The following CRPPA variants were observed in gnomAD, a reference collection of about 807,000 sequenced individuals.
The protein encoded by CRPPA is CDP-L-ribitol pyrophosphorylase A, also known as D-ribitol-5-phosphate cytidylyltransferase.
A neutral mutation model predicts 52.0 loss-of-function variants in CRPPA; 43 were observed. The ratio of observed to expected loss-of-function variants is 0.83; its 90% confidence interval spans 0.65 to 1.07. CRPPA has a LOEUF of 1.07. Ranked by LOEUF, CRPPA falls within the 50% of genes least tolerant of loss-of-function variation. The pLI, the probability that CRPPA is intolerant of heterozygous loss-of-function variation, is 0.00. For missense variants in CRPPA, 629 were observed against 551.7 expected (o/e 1.14, Z -1.40); for synonymous variants, 250 against 203.5 (o/e 1.23, Z -1.94).
At chr7:16,302,295 C>CCAA (rs1554317231) in intron 4 of CRPPA, among the ~76,000 whole-genome samples, 2 of 53,374 alleles carry the variant, frequency 3.7e-5, no homozygotes, top group East Asian at 6.9e-4. Flanking sequence ...GACTCTGTCT[C>CCAA]AAAAAAAAAA....
intron 9 of CRPPA, among the ~76,000 whole-genome samples, chr7:16,129,240 T>C (rs1051406151): frequency 6.6e-6 from 1 of 152,104 alleles, no homozygotes; most frequent in African/African-American, 2.4e-5. Flanking sequence ...AATGCTCTCT[T>C]CTACCTTCAG....
chr7:16,152,827 A>G (rs1159577011), intron 9 of CRPPA, among the ~76,000 whole-genome samples: 1 of 152,022 alleles, frequency 6.6e-6, no homozygotes, highest in Non-Finnish European at 1.5e-5. Flanking sequence ...ATCCTGTAAT[A>G]TATAAAGTTC....
chr7:16,226,677 T>C (rs779574850), intron 8 of CRPPA, among the ~76,000 whole-genome samples: 21 of 151,930 alleles, frequency 1.4e-4, no homozygotes, highest in Non-Finnish European at 2.2e-4. Context: ...GAAATACAAC[T>C]TTTTGTTAAT....
intron 3 of CRPPA, among the ~76,000 whole-genome samples, chr7:16,318,053 A>G (rs1785184465): frequency 1.3e-5 from 2 of 152,172 alleles, no homozygotes; most frequent in Admixed American, 6.5e-5. Flanking sequence ...TTGTCAACAC[A>G]GTCTCTAACT....
chr7:16,315,151 C>T lies in CRPPA; in HGVS notation c.685-6524G>A, dbSNP rs187421021. Reference sequence around the variant, plus strand: ...TCTTTCCTCATTCATGTCTAGTCTACCGATAAGGCATCAAAGGGATTCTTC... The same window carrying T: ...TCTTTCCTCATTCATGTCTAGTCTATCGATAAGGCATCAAAGGGATTCTTC... On this transcript the variant is annotated intron_variant, in intron 3 of 9. Coordinates refer to ENST00000407010, the MANE Select transcript of CRPPA (RefSeq NM_001101426.4). 2.1e-3 allele frequency among the ~76,000 whole-genome samples: 316 copies of T among 152,206 alleles called. 2 individuals are homozygous for T. The highest frequency in any genetic ancestry group is 7.3e-3 in the African/African-American group (303 of 41,550).
intron 3 of CRPPA, among the ~76,000 whole-genome samples, chr7:16,374,989 T>C (rs1370073776): frequency 6.6e-6 from 1 of 152,224 alleles, no homozygotes; most frequent in African/African-American, 2.4e-5. Context: ...ATTTCAAATG[T>C]TGATGTACAG....
At chr7:16,203,425 A>AT (rs1781900445) in intron 9 of CRPPA, among the ~76,000 whole-genome samples, 1 of 152,152 alleles carries the variant, frequency 6.6e-6, no homozygotes, top group Admixed American at 6.6e-5. Context: ...ATGAAGATAT[A>AT]TTTTACAACA....
intron 3 of CRPPA, among the ~76,000 whole-genome samples, chr7:16,365,230 G>A (rs1388232813): frequency 2.0e-5 from 3 of 152,176 alleles, no homozygotes; most frequent in Non-Finnish European, 4.4e-5. Context: ...ACTGCCTCTG[G>A]GAGAAATGCT....
intron 9 of CRPPA, among the ~76,000 whole-genome samples, chr7:16,116,293 C>G (rs892956319): frequency 1.3e-5 from 2 of 152,050 alleles, no homozygotes; most frequent in Non-Finnish European, 2.9e-5. Flanking sequence ...CATGAGAAAA[C>G]AGCAGAGAAA....
intron 9 of CRPPA, among the ~76,000 whole-genome samples, chr7:16,160,067 C>T (rs1416139453): frequency 6.6e-6 from 1 of 151,950 alleles, no homozygotes; most frequent in African/African-American, 2.4e-5. Flanking sequence ...TGGATATTAG[C>T]GCTTTGTCAG....
chr7:16,134,847 C>T (rs1174715914), intron 9 of CRPPA, among the ~76,000 whole-genome samples: 1 of 152,080 alleles, frequency 6.6e-6, no homozygotes, highest in African/African-American at 2.4e-5. Context: ...AAAGTGCACA[C>T]AACTAAATCT....
chr7:16,397,095 G>C (rs965194986), intron 2 of CRPPA, among the ~76,000 whole-genome samples: 1 of 152,242 alleles, frequency 6.6e-6, no homozygotes, highest in Non-Finnish European at 1.5e-5. Context: ...GAAGACACAC[G>C]TGTGAAATAA....
chr7:16,220,531 A>AT (rs1454933355), intron 8 of CRPPA, among the ~76,000 whole-genome samples: 3 of 101,248 alleles, frequency 3.0e-5, no homozygotes, highest in Admixed American at 1.1e-4. Flanking sequence ...ACATGATTGT[A>AT]TATCTAGAAA....
chr7:16,352,370 C>A (rs1451016268), intron 3 of CRPPA, among the ~76,000 whole-genome samples: 1 of 151,682 alleles, frequency 6.6e-6, no homozygotes, highest in Non-Finnish European at 1.5e-5. Flanking sequence ...TGTAACAAAC[C>A]TGCACATTCT....
chr7:16,176,991 C>T (rs913729904), intron 9 of CRPPA, among the ~76,000 whole-genome samples: 3 of 152,012 alleles, frequency 2.0e-5, no homozygotes, highest in African/African-American at 7.2e-5. Context: ...TATTGATATA[C>T]GCAGCAACAC....
chr7:16,241,970 T>TTTTTTTTTTTTTTTTTTTTTTTTTG, intron 8 of CRPPA, among the ~76,000 whole-genome samples: 1 of 104,896 alleles, frequency 9.5e-6, no homozygotes, highest in Non-Finnish European at 1.9e-5. Flanking sequence ...TTTTTTTTTG[T>TTTTTTTTTTTTTTTTTTTTTTTTTG]TGGGGGGAGA....
At chr7:16,311,260 A>G (rs1189936217) in intron 3 of CRPPA, among the ~76,000 whole-genome samples, 2 of 152,276 alleles carry the variant, frequency 1.3e-5, no homozygotes, top group East Asian at 3.9e-4. Context: ...CAAATGTACA[A>G]TGATATACGT....
chr7:16,142,333 CT>C (rs1013791582), intron 9 of CRPPA, among the ~76,000 whole-genome samples: 1 of 152,114 alleles, frequency 6.6e-6, no homozygotes, highest in African/African-American at 2.4e-5. Flanking sequence ...TCATTTTTTT[CT>C]GCTTCCCTCT....
chr7:16,384,968 T>C (rs1787216554), intron 2 of CRPPA, among the ~76,000 whole-genome samples: 1 of 152,178 alleles, frequency 6.6e-6, no homozygotes, highest in Non-Finnish European at 1.5e-5. Context: ...GGTATGACAA[T>C]ATCACTAATG....
Sources: gnomAD v4.1 joint callset for allele counts (sites outside exome capture counted in the v4.1 genomes callset) on GRCh38, gnomAD v4.1.1 for gene constraint, MANE v1.5 for transcripts, NCBI Gene and HGNC (gene_info 2026-07-23, HGNC 2026-07-21) for gene names.